FTL: variants seen among roughly 807,000 people sequenced by gnomAD.
FTL encodes the protein ferritin light chain.
In FTL, 17 loss-of-function variants were observed where a neutral mutation model predicts 16.6. The ratio of observed to expected loss-of-function variants is 1.02; its 90% confidence interval spans 0.70 to 1.53. FTL has a LOEUF of 1.53. FTL is among the 40% of genes most tolerant of loss of function. The pLI is 0.00. For missense variants in FTL, 186 were observed against 226.1 expected (o/e 0.82, Z 1.14); for synonymous variants, 73 against 89.9 (o/e 0.81, Z 1.06).
chr19:48,966,059 C>T, intron 2 of FTL, 143 bp downstream of exon 2: 1 of 1,251,620 alleles, frequency 8.0e-7, no homozygotes, highest in East Asian at 2.5e-5. Flanking sequence ...GAAATAGAGG[C>T]GCACCTCGTG....
rs533127337 is a variant in FTL at position 48,965,423 on chromosome 19, C to A, written c.-85C>A. 67 of 909,720 alleles carry A rather than the reference C, an allele frequency of 7.4e-5. 1 individual carries two copies. The Middle Eastern group carries it at 9.6e-4, about 13-fold the overall frequency. 56.4% of individuals were successfully genotyped at this position (909,720 alleles called of 1,614,324 possible). A position where few individuals can be genotyped will look rare whatever the true frequency, so the allele number is the denominator to read the frequency against. On this transcript the variant is annotated 5_prime_UTR_variant, in exon 1 of 4. Transcript: ENST00000331825. ...CTCCGATTTCCTCTCCGCTTGCAACCTCCGGGACCATCTTCTCGGCCATCT... is the reference window on the plus strand; with the variant it reads ...CTCCGATTTCCTCTCCGCTTGCAACATCCGGGACCATCTTCTCGGCCATCT...
At position 48,966,341 on chromosome 19, in the gene FTL, G is replaced by T. The variant is rs199869995; in HGVS notation, c.310G>T (p.Glu104Ter). ...CGCCATGAAAGCTGCCATGGCCCTG[G>T]AGAAAAAGCTGAACCAGGCCCTTTT... is the stretch of plus-strand genomic sequence containing the variant. ...PDAMKAAMALEKKLNQALLDL... is the reference protein window; with the variant it reads ...PDAMKAAMAL Residue 104 changes from glutamate (E) to a stop codon, truncating the protein, a stop_gained, in exon 3 of 4, where the codon GAG (glutamate) becomes TAG (stop). Transcript: ENST00000331825. LOFTEE classifies it high-confidence loss of function. 1.2e-5 allele frequency: 20 copies of T among 1,614,134 alleles called. No individual in the cohort carries two copies. In the South Asian group the frequency reaches 1.8e-4, roughly 14 times the overall value.
intron 2 of FTL, 180 bp from the exon 3 acceptor site, chr19:48,966,101 C>A: frequency 8.4e-7 from 1 of 1,197,422 alleles, no homozygotes; most frequent in Non-Finnish European, 1.2e-6. Context: ...GTCCACACCG[C>A]TGCGTGGTCT....
intron 2 of FTL, 114 bp from the exon 3 acceptor site, chr19:48,966,167 C>A: frequency 6.9e-7 from 1 of 1,458,528 alleles, no homozygotes; most frequent in Non-Finnish European, 9.6e-7. Context: ...TAAATACAAG[C>A]TGTCACATGT....
intron 3 of FTL, 39 bp downstream of exon 3, chr19:48,966,445 C>G: frequency 6.2e-7 from 1 of 1,614,134 alleles, no homozygotes; most frequent in Non-Finnish European, 8.5e-7. Context: ...CAACCATACC[C>G]CTCAAGCCTC....
At position 48,965,322 on chromosome 19, in the gene FTL, C is replaced by T. The variant is rs981348025; in HGVS notation, c.-186C>T. 6.4e-6 allele frequency: 4 copies of T among 628,526 alleles called. No individual in the cohort carries two copies. Among genetic ancestry groups the T allele is most frequent in the Non-Finnish European group, 1.2e-5 (4 of 342,684 alleles). 38.9% of individuals were successfully genotyped at this position (628,526 alleles called of 1,614,324 possible). A position where few individuals can be genotyped will look rare whatever the true frequency, so the allele number is the denominator to read the frequency against. ...CCACGTCCCCTCGCAGTTCGGCGGT[C>T]CCGCGGGTCTGTCTCTTGCTTCAAC... On this transcript the variant is annotated 5_prime_UTR_variant, in exon 1 of 4. Coordinates refer to ENST00000331825, the MANE Select transcript of FTL (RefSeq NM_000146.4).
Position 48,966,762 on chromosome 19 carries a change from A to C in FTL, c.*27A>C. On this transcript the variant is annotated 3_prime_UTR_variant, in exon 4 of 4. Transcript: ENST00000331825. ...AGCCTTCTGAGCCCAGCGACTTCTG[A>C]AGGGCCCCTTGCAAAGTAATAGGGC... The C allele has an allele frequency of 6.2e-7, 1 of 1,611,728 alleles. No homozygotes were observed. The highest frequency in any genetic ancestry group is 1.1e-5 in the South Asian group (1 of 90,984).
In FTL at chr19:48,965,316, G is replaced by A. The variant is rs777135325; in HGVS notation, c.-192G>A. Reference sequence around the variant, plus strand: ...CCCTAGCCACGTCCCCTCGCAGTTCGGCGGTCCCGCGGGTCTGTCTCTTGC... The same window carrying A: ...CCCTAGCCACGTCCCCTCGCAGTTCAGCGGTCCCGCGGGTCTGTCTCTTGC... On this transcript the variant is annotated 5_prime_UTR_variant, in exon 1 of 4. Coordinates refer to ENST00000331825, the MANE Select transcript of FTL (RefSeq NM_000146.4). The A allele has an allele frequency of 3.4e-5, 21 of 617,298 alleles. No individual in the cohort carries two copies. The highest frequency in any genetic ancestry group is 5.9e-6 in the Non-Finnish European group (2 of 336,582). 38.2% of individuals were successfully genotyped at this position (617,298 alleles called of 1,614,324 possible).
At chr19:48,966,485 C>T in intron 3 of FTL, 79 bp downstream of exon 3, 2 of 1,612,596 alleles carry the variant, frequency 1.2e-6, no homozygotes, top group Admixed American at 3.3e-5. Context: ...TCCTTCAGAG[C>T]CTCATTTCAC....
Position 48,965,473 on chromosome 19 carries a change from C to A in FTL, c.-35C>A, listed in dbSNP as rs763129553. The A allele has an allele frequency of 1.4e-6, 2 of 1,459,384 alleles. No homozygotes were observed. Among genetic ancestry groups the A allele is most frequent in the Non-Finnish European group, 1.9e-6 (2 of 1,043,768 alleles). The allele number at this position is 1,459,384 out of a possible 1,614,324, so 90.4% of individuals were successfully genotyped here. A position where few individuals can be genotyped will look rare whatever the true frequency, so the allele number is the denominator to read the frequency against. On this transcript the variant is annotated 5_prime_UTR_variant, in exon 1 of 4. Coordinates refer to ENST00000331825, the MANE Select transcript of FTL (RefSeq NM_000146.4). ...TCCTGCTTCTGGGACCTGCCAGCAC[C>A]GTTTTTGTGGTTAGCTCCTTCTTGC... is the stretch of plus-strand genomic sequence containing the variant.
rs2038441105 is a variant in FTL, at chr19:48,965,502, C to T, written c.-6C>T. ...TTTGTGGTTAGCTCCTTCTTGCCAA[C>T]CAACCATGAGCTCCCAGATTCGTCA... On this transcript the variant is annotated 5_prime_UTR_variant, in exon 1 of 4. Coordinates refer to ENST00000331825, the MANE Select transcript of FTL (RefSeq NM_000146.4). The T allele has an allele frequency of 6.2e-7, 1 of 1,609,514 alleles. No homozygotes were observed.
At chr19:48,966,448 C>G (rs1395426570) in intron 3 of FTL, 42 bp downstream of exon 3, 2 of 1,614,120 alleles carry the variant, frequency 1.2e-6, no homozygotes, top group South Asian at 1.1e-5. Context: ...CCATACCCCT[C>G]AAGCCTCTGC....
rs11553195 is a variant in FTL at position 48,965,798 on chromosome 19, C to A, written c.131C>A (p.Ala44Asp). The change falls in exon 2 of 4, where the codon GCT (alanine) becomes GAT (aspartate). Residue 44 changes from alanine to aspartate, a missense_variant. Transcript: ENST00000331825. ...TTCTATTTCGACCGCGATGATGTGGCTCTGGAAGGCGTGAGCCACTTCTTC... is the reference window on the plus strand; with the variant it reads ...TTCTATTTCGACCGCGATGATGTGGATCTGGAAGGCGTGAGCCACTTCTTC... ...LGFYFDRDDV[A>D]LEGVSHFFRE... 6.2e-7 allele frequency: 1 copy of A among 1,614,190 alleles called. No individual in the cohort carries two copies. Among genetic ancestry groups the A allele is most frequent in the Non-Finnish European group, 8.5e-7 (1 of 1,180,022 alleles).
Position 48,965,594 on chromosome 19 carries a change from C to T in FTL, c.87C>T (p.Tyr29=), listed in dbSNP as rs779990778. The T allele has an allele frequency of 1.3e-5, 21 of 1,613,294 alleles. No individual in the cohort carries two copies. The highest frequency in any genetic ancestry group is 1.6e-4 in the Middle Eastern group (1 of 6,078). ...SLVNLYLQAS[Y]TYLSLGFYFD... ...TCAATTTGTACCTGCAGGCCTCCTA[C>T]ACCTACCTCTCTCTGGTGAGTCCCC... is the stretch of plus-strand genomic sequence containing the variant. Residue 29 remains tyrosine, a synonymous_variant, in exon 1 of 4, where the codon TAC becomes TAT. Transcript: ENST00000331825.
In FTL at chr19:48,966,844, G is replaced by A. The variant is rs2038463636; in HGVS notation, c.*109G>A. 2 of 1,171,288 alleles carry A rather than the reference G, an allele frequency of 1.7e-6. No homozygotes were observed. Among genetic ancestry groups the A allele is most frequent in the African/African-American group, 3.0e-5 (2 of 65,876 alleles). The allele number at this position is 1,171,288 out of a possible 1,614,324, so 72.6% of individuals were successfully genotyped here. A position where few individuals can be genotyped will look rare whatever the true frequency, so the allele number is the denominator to read the frequency against. ...GCAGCTTTCTTAACTATCCTAACAA[G>A]CCTTGGACCAAATGGAAATAAAGCT... On this transcript the variant is annotated 3_prime_UTR_variant, in exon 4 of 4. Coordinates refer to ENST00000331825, the MANE Select transcript of FTL (RefSeq NM_000146.4).
chr19:48,965,714 G>A (rs1484164287), intron 1 of FTL, 56 bp from the exon 2 acceptor site: 1 of 1,612,124 alleles, frequency 6.2e-7, no homozygotes, highest in Non-Finnish European at 8.5e-7. Context: ...ACAGAGGGCG[G>A]AGTCCCCTTG....
chr19:48,966,019 G>T (rs776041060), intron 2 of FTL, 103 bp downstream of exon 2: 2 of 1,456,282 alleles, frequency 1.4e-6, no homozygotes, highest in East Asian at 4.9e-5. Flanking sequence ...GGGAGATTGA[G>T]TTCGGTCTTG....
At position 48,965,750 on chromosome 19, in the gene FTL, G is replaced by T; in HGVS notation, c.103-20G>T. Reference sequence around the variant, plus strand: ...GCCTCGCCTCCCGCTAACCATTGTTGCCTCCATCTCTTCCCGTAGGGCTTC... The same window carrying T: ...GCCTCGCCTCCCGCTAACCATTGTTTCCTCCATCTCTTCCCGTAGGGCTTC... On this transcript the variant is annotated intron_variant, in intron 1 of 3. Coordinates refer to ENST00000331825, the MANE Select transcript of FTL (RefSeq NM_000146.4). 1 of 1,614,076 alleles carries T rather than the reference G, an allele frequency of 6.2e-7. No homozygotes were observed.
chr19:48,966,057 G>C lies in FTL; in HGVS notation c.249+141G>C, dbSNP rs1168888731. 5 of 1,260,006 alleles carry C rather than the reference G, an allele frequency of 4.0e-6. No homozygotes were observed. The African/African-American group carries it at 5.9e-5, about 15-fold the overall frequency. The allele number at this position is 1,260,006 out of a possible 1,614,324, so 78.1% of individuals were successfully genotyped here. On this transcript the variant is annotated intron_variant, in intron 2 of 3. Transcript: ENST00000331825. ...AGCCCTCTTAACCGCTGGAAATAGA[G>C]GCGCACCTCGTGCAGTGCCCACAAC...
Sources: allele counts gnomAD v4.1 joint callset, GRCh38; gene constraint gnomAD v4.1.1; transcripts MANE v1.5; gene names NCBI Gene and HGNC (gene_info 2026-07-23, HGNC 2026-07-21).